The following FAT3 variants were observed in gnomAD, a reference collection of about 807,000 sequenced individuals.
FAT3 encodes the protein protocadherin Fat 3.
Under a neutral mutation model 310.2 loss-of-function variants are expected in FAT3, and 95 were observed. The observed-to-expected ratio is 0.31, with a 90% CI of 0.26 to 0.36. The LOEUF (loss-of-function observed/expected upper bound fraction) is 0.36. FAT3 is among the 10% of genes least tolerant of loss of function. The pLI is 1.00. For missense variants in FAT3, 5,408 were observed against 5,715.6 expected (o/e 0.95, Z 1.74); for synonymous variants, 2,314 against 2,192.9 (o/e 1.06, Z -1.54).
chr11:92,867,424 T>C (rs1949278029), intron 22 of FAT3, among the ~76,000 whole-genome samples: 2 of 152,206 alleles, frequency 1.3e-5, no homozygotes, highest in African/African-American at 4.8e-5. Flanking sequence ...CAGCTTCCCA[T>C]AGGTGCAGTG....
chr11:92,248,001 A>T (rs557863895), intron 1 of FAT3, among the ~76,000 whole-genome samples: 1 of 152,146 alleles, frequency 6.6e-6, no homozygotes, highest in African/African-American at 2.4e-5. Flanking sequence ...GTTCATGTAG[A>T]TAATAACTTT....
At chr11:92,244,224 G>C (rs972408680) in intron 1 of FAT3, among the ~76,000 whole-genome samples, 5 of 152,068 alleles carry the variant, frequency 3.3e-5, no homozygotes, top group Non-Finnish European at 7.4e-5. Flanking sequence ...TATGTCATTG[G>C]TTCCCTGGCT....
intron 4 of FAT3, among the ~76,000 whole-genome samples, chr11:92,752,760 G>A (rs956212120): frequency 5.9e-5 from 9 of 152,108 alleles, no homozygotes; most frequent in African/African-American, 1.2e-4. Context: ...CATAGTCATC[G>A]ACTGAAGAAA....
intron 1 of FAT3, among the ~76,000 whole-genome samples, chr11:92,312,902 A>G (rs1463008570): frequency 1.3e-5 from 2 of 152,182 alleles, no homozygotes; most frequent in Admixed American, 1.3e-4. Flanking sequence ...CCCTGAAGCT[A>G]TACGGGCAAA....
intron 3 of FAT3, among the ~76,000 whole-genome samples, chr11:92,529,556 G>A (rs1470520798): frequency 6.6e-6 from 1 of 150,910 alleles, no homozygotes; most frequent in Non-Finnish European, 1.5e-5. Context: ...TTTTTTGTTT[G>A]TTTGTTTTTT....
At chr11:92,632,316 A>G (rs1027586609) in intron 3 of FAT3, among the ~76,000 whole-genome samples, 13 of 148,328 alleles carry the variant, frequency 8.8e-5, no homozygotes, top group African/African-American at 3.2e-4. Flanking sequence ...AGTATTTTTT[A>G]TCTTTCCTGC....
intron 2 of FAT3, among the ~76,000 whole-genome samples, chr11:92,456,041 A>G (rs756129583): frequency 6.6e-6 from 1 of 152,166 alleles, no homozygotes; most frequent in African/African-American, 2.4e-5. Context: ...AGAATCTGCA[A>G]TGAGATTTTT....
At chr11:92,321,432 G>A (rs1270753281) in intron 1 of FAT3, among the ~76,000 whole-genome samples, 3 of 144,614 alleles carry the variant, frequency 2.1e-5, no homozygotes, top group Non-Finnish European at 4.6e-5. Context: ...GCGAGACTCC[G>A]TCTCAAAAAA....
chr11:92,860,463 G>A (rs1267065431), intron 21 of FAT3, among the ~76,000 whole-genome samples: 2 of 152,174 alleles, frequency 1.3e-5, no homozygotes, highest in Admixed American at 6.5e-5. Context: ...TTCTAGTATG[G>A]AGGAGAGAAG....
At position 92,366,965 on chromosome 11, in the gene FAT3, G is replaced by A. The variant is rs565305019; in HGVS notation, c.3292+11561G>A. On this transcript the variant is annotated intron_variant, in intron 2 of 27. Transcript: ENST00000525166. ...AGCAGTTTCTGCTTTATTGACTCTG[G>A]TCAGACACCCATAGTGCCCTTATTG... The A allele has an allele frequency of 7.0e-4, 370 of 526,722 alleles. 1 individual carries two copies. Among genetic ancestry groups the A allele is most frequent in the African/African-American group, 6.5e-3 (338 of 52,162 alleles). 32.6% of individuals were successfully genotyped at this position (526,722 alleles called of 1,614,324 possible).
At chr11:92,302,426 C>G (rs969866062) in intron 1 of FAT3, among the ~76,000 whole-genome samples, 6 of 151,374 alleles carry the variant, frequency 4.0e-5, no homozygotes, top group African/African-American at 1.5e-4. Flanking sequence ...CTTTTTTTCT[C>G]ATGTTAAGCT....
intron 2 of FAT3, among the ~76,000 whole-genome samples, chr11:92,382,174 A>G (rs1949510762): frequency 6.6e-6 from 1 of 152,170 alleles, no homozygotes; most frequent in Non-Finnish European, 1.5e-5. Flanking sequence ...GTCAGTATTT[A>G]ATAGTAAAAA....
chr11:92,874,143 T>A (rs1241665674), intron 22 of FAT3, among the ~76,000 whole-genome samples: 1 of 152,224 alleles, frequency 6.6e-6, no homozygotes, highest in Non-Finnish European at 1.5e-5. Flanking sequence ...AAAAATCAAT[T>A]TTTTAAGAAT....
At chr11:92,674,700 TTG>T (rs549379119) in intron 3 of FAT3, among the ~76,000 whole-genome samples, 1 of 151,804 alleles carries the variant, frequency 6.6e-6, no homozygotes, top group Non-Finnish European at 1.5e-5. Context: ...TTTTTGTATT[TTG>T]TGTGTGTGTG....
chr11:92,293,539 TATATATATATATAA>T (rs200802258), intron 1 of FAT3, among the ~76,000 whole-genome samples: 46,228 of 117,982 alleles, frequency 0.39, 8,638 homozygotes, highest in African/African-American at 0.42. Flanking sequence ...TATATATATA[TATATATATATATAA>T]ATAAAATATA....
chr11:92,762,663 A>C lies in FAT3; in HGVS notation c.3984+493A>C, dbSNP rs1412779276. ...AAATCACAATGATGTTTATTCCATA[A>C]AAACTGAAAAAACTCAAGTATAAAG... On this transcript the variant is annotated intron_variant, in intron 5 of 27. Coordinates refer to ENST00000525166, the MANE Select transcript of FAT3 (RefSeq NM_001367949.2). Among the ~76,000 whole-genome samples, 5 of 152,236 alleles carry C rather than the reference A, an allele frequency of 3.3e-5. No individual in the cohort carries two copies. The East Asian group carries it at 9.6e-4, about 29-fold the overall frequency.
intron 1 of FAT3, among the ~76,000 whole-genome samples, chr11:92,228,721 CT>C (rs1440040006): frequency 6.6e-6 from 1 of 152,204 alleles, no homozygotes; most frequent in African/African-American, 2.4e-5. Flanking sequence ...ACTATTGTGG[CT>C]TTATTTTACC....
chr11:92,472,806 C>A (rs776141496), intron 2 of FAT3, among the ~76,000 whole-genome samples: 2 of 152,198 alleles, frequency 1.3e-5, no homozygotes, highest in Non-Finnish European at 2.9e-5. Flanking sequence ...TGCGATTAAA[C>A]CCTTCTGGAG....
chr11:92,697,988 A>T (rs962327554), intron 4 of FAT3, among the ~76,000 whole-genome samples: 1 of 152,224 alleles, frequency 6.6e-6, no homozygotes, highest in Middle Eastern at 3.2e-3. Context: ...GAGAGAGAAT[A>T]AAAAGCTATG....
Sources: allele counts gnomAD v4.1 joint callset (sites outside exome capture counted in the v4.1 genomes callset), GRCh38; gene constraint gnomAD v4.1.1; transcripts MANE v1.5; gene names NCBI Gene and HGNC (gene_info 2026-07-23, HGNC 2026-07-21).